CTNND2: variants seen among roughly 807,000 people sequenced by gnomAD.
CTNND2 encodes catenin delta-2.
CTNND2 carries 22 observed loss-of-function variants against 144.4 expected under a neutral mutation model. That is an observed-to-expected ratio of 0.15 (90% CI 0.11 to 0.22). CTNND2 has a LOEUF of 0.22. CTNND2 is among the 10% of genes least tolerant of loss of function. The probability of loss-of-function intolerance (pLI) is 1.00; values close to 1 mark genes in which losing one functional copy is unlikely to be tolerated. For missense variants in CTNND2, 1,353 were observed against 1,618.8 expected (o/e 0.84, Z 2.82); for synonymous variants, 751 against 695.6 (o/e 1.08, Z -1.25).
chr5:11,771,211 G>GTTTTTTA lies in CTNND2; in HGVS notation c.38-38940_38-38939insTAAAAAA, dbSNP rs1302426806. 2.6e-4 allele frequency among the ~76,000 whole-genome samples: 32 copies of GTTTTTTA among 125,312 alleles called. 1 individual carries two copies. Among genetic ancestry groups the GTTTTTTA allele is most frequent in the African/African-American group, 7.9e-4 (26 of 32,800 alleles). The allele number at this position is 125,312 out of a possible 152,430, so 82.2% of individuals were successfully genotyped here. Reference sequence around the variant, plus strand: ...TGTTAGCTTTTTTTTTTTTTTTTTGGGATGGAGTCTCGCCCTGTCTCCCAG... The same window carrying GTTTTTTA: ...TGTTAGCTTTTTTTTTTTTTTTTTGGTTTTTTAGATGGAGTCTCGCCCTGTCTCCCAG... On this transcript the variant is annotated intron_variant, in intron 1 of 21. Transcript: ENST00000304623.
intron 3 of CTNND2, among the ~76,000 whole-genome samples, chr5:11,440,087 C>T (rs2149890992): frequency 6.6e-6 from 1 of 152,150 alleles, no homozygotes; most frequent in East Asian, 1.9e-4. Context: ...ACATAGGTCC[C>T]CTCCCTGTAA....
chr5:11,123,483 A>T (rs1754350036), intron 12 of CTNND2, among the ~76,000 whole-genome samples: 1 of 152,230 alleles, frequency 6.6e-6, no homozygotes, highest in Non-Finnish European at 1.5e-5. Flanking sequence ...CACAATGCTC[A>T]GGACTGCCCC....
chr5:11,045,349 G>A lies in CTNND2; in HGVS notation c.2789-22370C>T, dbSNP rs180672714. 3.0e-3 allele frequency among the ~76,000 whole-genome samples: 464 copies of A among 152,248 alleles called. 3 individuals are homozygous for A. Among genetic ancestry groups the A allele is most frequent in the African/African-American group, 0.011 (437 of 41,528 alleles). ...AAGCCAGTGTGTGCAGAGATCGTAC[G>A]GGGAGAGAAGGATGCAAGAGGGAGG... On this transcript the variant is annotated intron_variant, in intron 16 of 21. Transcript: ENST00000304623.
At chr5:11,675,792 C>T (rs1784145365) in intron 2 of CTNND2, among the ~76,000 whole-genome samples, 1 of 151,556 alleles carries the variant, frequency 6.6e-6, no homozygotes, top group Non-Finnish European at 1.5e-5. Flanking sequence ...AGGCTTTGTT[C>T]ATTTCCTTTC....
chr5:11,599,515 G>C (rs187712276), intron 2 of CTNND2, among the ~76,000 whole-genome samples: 1 of 152,034 alleles, frequency 6.6e-6, no homozygotes, highest in African/African-American at 2.4e-5. Flanking sequence ...GAAGTTGCCC[G>C]CAATAGTTCT....
intron 1 of CTNND2, among the ~76,000 whole-genome samples, chr5:11,782,353 A>C (rs1469321896): frequency 6.6e-6 from 1 of 152,154 alleles, no homozygotes; most frequent in African/African-American, 2.4e-5. Flanking sequence ...ATACAAAAAA[A>C]AAGCTGACCT....
intron 7 of CTNND2, among the ~76,000 whole-genome samples, chr5:11,365,552 T>C (rs951533362): frequency 6.6e-6 from 1 of 152,242 alleles, no homozygotes; most frequent in African/African-American, 2.4e-5. Flanking sequence ...TGGTTTAATG[T>C]ATAAATTGCG....
intron 2 of CTNND2, among the ~76,000 whole-genome samples, chr5:11,614,391 C>A (rs975881454): frequency 5.3e-5 from 8 of 152,150 alleles, no homozygotes; most frequent in Non-Finnish European, 1.0e-4. Flanking sequence ...CTGCTTCATT[C>A]TACCAAGATT....
At chr5:11,246,551 C>T (rs13175070) in intron 9 of CTNND2, among the ~76,000 whole-genome samples, 5,499 of 152,050 alleles carry the variant, frequency 0.036, 152 homozygotes, top group South Asian at 0.087. Flanking sequence ...TCTGGAGAGA[C>T]GCTACACTGC....
intron 3 of CTNND2, among the ~76,000 whole-genome samples, chr5:11,427,352 A>AC (rs1762873011): frequency 7.0e-6 from 1 of 143,504 alleles, no homozygotes; most frequent in Admixed American, 7.5e-5. Flanking sequence ...ATCTCGGCTC[A>AC]CTGGAACCTT....
At chr5:11,829,122 G>A (rs1793753282) in intron 1 of CTNND2, among the ~76,000 whole-genome samples, 2 of 152,244 alleles carry the variant, frequency 1.3e-5, no homozygotes, top group African/African-American at 4.8e-5. Flanking sequence ...GCATTCAAGA[G>A]GTGACTTGGG....
chr5:11,506,914 A>G (rs1771103493), intron 3 of CTNND2, among the ~76,000 whole-genome samples: 1 of 152,250 alleles, frequency 6.6e-6, no homozygotes, highest in Admixed American at 6.5e-5. Context: ...AGCTTTAGCG[A>G]TGCGACTGGT....
At chr5:11,228,487 G>T (rs1281731493) in intron 10 of CTNND2, among the ~76,000 whole-genome samples, 1 of 149,554 alleles carries the variant, frequency 6.7e-6, no homozygotes, top group Non-Finnish European at 1.5e-5. Flanking sequence ...GCAGGTTATG[G>T]ATTTTTTTTT....
intron 10 of CTNND2, among the ~76,000 whole-genome samples, chr5:11,221,691 G>C (rs767895957): frequency 6.6e-6 from 1 of 152,192 alleles, no homozygotes; most frequent in Non-Finnish European, 1.5e-5. Context: ...CTGTGAGCCA[G>C]AAAAACCTGG....
intron 9 of CTNND2, among the ~76,000 whole-genome samples, chr5:11,316,068 A>T (rs1751441568): frequency 6.6e-6 from 1 of 152,190 alleles, no homozygotes; most frequent in African/African-American, 2.4e-5. Context: ...CTAAATGTTA[A>T]TCTGATTCCA....
At chr5:11,041,540 T>G (rs1427440773) in intron 16 of CTNND2, among the ~76,000 whole-genome samples, 2 of 152,156 alleles carry the variant, frequency 1.3e-5, no homozygotes, top group Non-Finnish European at 2.9e-5. Context: ...ACCACCTGTG[T>G]GACACCTTCC....
intron 1 of CTNND2, among the ~76,000 whole-genome samples, chr5:11,744,656 T>A (rs1328967565): frequency 6.6e-6 from 1 of 150,884 alleles, no homozygotes; most frequent in African/African-American, 2.4e-5. Flanking sequence ...TGTTGGTAGA[T>A]CCTTGAAGAG....
At chr5:11,170,630 G>A (rs1759810853) in intron 11 of CTNND2, among the ~76,000 whole-genome samples, 1 of 151,914 alleles carries the variant, frequency 6.6e-6, no homozygotes, top group Non-Finnish European at 1.5e-5. Context: ...GGGAAGCATG[G>A]AAGAAACATC....
chr5:11,901,732 C>A (rs1465191543), intron 1 of CTNND2, among the ~76,000 whole-genome samples: 1 of 152,166 alleles, frequency 6.6e-6, no homozygotes. Flanking sequence ...TTTCAATCCA[C>A]AATATAACAT....
Sources: gnomAD v4.1 joint callset for allele counts (sites outside exome capture counted in the v4.1 genomes callset) on GRCh38, gnomAD v4.1.1 for gene constraint, MANE v1.5 for transcripts, NCBI Gene and HGNC (gene_info 2026-07-23, HGNC 2026-07-21) for gene names.